Variants in TRMT9B observed in about 807,000 individuals in gnomAD.
The protein encoded by TRMT9B is probable tRNA methyltransferase 9B.
TRMT9B carries 16 observed loss-of-function variants against 11.5 expected under a neutral mutation model. The observed-to-expected ratio is 1.39, with a 90% CI of 0.94 to 2.11. TRMT9B has a LOEUF of 2.11. Among genes scored for constraint, TRMT9B ranks in the 30% most tolerant of loss-of-function variants. The probability of loss-of-function intolerance (pLI) is 0.00; values close to 1 mark genes in which losing one functional copy is unlikely to be tolerated. For missense variants in TRMT9B, 941 were observed against 553.8 expected, an observed-to-expected ratio of 1.70 and a Z score of -7.02; for synonymous variants, 274 against 192.4, an observed-to-expected ratio of 1.42 and a Z score of -3.51.
At chr8:12,955,604 C>G (rs1454657375) in intron 1 of TRMT9B, among the ~76,000 whole-genome samples, 1 of 152,230 alleles carries the variant, frequency 6.6e-6, no homozygotes, top group Non-Finnish European at 1.5e-5. Context: ...CAAATAGGCA[C>G]AACCTTTGCC....
intron 1 of TRMT9B, among the ~76,000 whole-genome samples, chr8:12,968,715 G>C (rs7826116): frequency 5.3e-5 from 8 of 152,078 alleles, no homozygotes; most frequent in African/African-American, 1.9e-4. Context: ...TCCCTGAGTC[G>C]CGAGAGTGCA....
chr8:12,970,513 A>G (rs1803453220), intron 1 of TRMT9B, among the ~76,000 whole-genome samples: 1 of 152,228 alleles, frequency 6.6e-6, no homozygotes, highest in Non-Finnish European at 1.5e-5. Context: ...GTTCAGATCT[A>G]GAGCAGACGC....
At chr8:13,008,911 G>A (rs899498794) in intron 3 of TRMT9B, among the ~76,000 whole-genome samples, 1 of 152,066 alleles carries the variant, frequency 6.6e-6, no homozygotes, top group Non-Finnish European at 1.5e-5. Context: ...TGTATTTTTA[G>A]TAGAGACGGA....
intron 2 of TRMT9B, among the ~76,000 whole-genome samples, chr8:12,991,296 GATTTTTA>G (rs1341236638): frequency 1.3e-5 from 2 of 152,138 alleles, no homozygotes; most frequent in Non-Finnish European, 2.9e-5. Context: ...TTTTAAATGA[GATTTTTA>G]TCACACAAAA....
Position 13,029,738 on chromosome 8 carries a change from A to C in TRMT9B, c.*7694A>C, listed in dbSNP as rs1194987084. The C allele has an allele frequency of 6.5e-6, 1 of 152,752 alleles. No individual in the cohort carries two copies. The highest frequency in any genetic ancestry group is 1.5e-5 in the Non-Finnish European group (1 of 68,038). The allele number at this position is 152,752 out of a possible 1,614,324, so 9.5% of individuals were successfully genotyped here. The stretch of plus-strand genomic sequence containing the variant: ...AAAGAATGTTATTGACCAAAAAGAC[A>C]TATTTTGAGATTAATAAAGATGTAT... On this transcript the variant is annotated 3_prime_UTR_variant, in exon 5 of 5. Transcript: ENST00000524591.
At chr8:12,966,507 GTT>G (rs1802843665) in intron 1 of TRMT9B, among the ~76,000 whole-genome samples, 1 of 152,138 alleles carries the variant, frequency 6.6e-6, no homozygotes, top group Admixed American at 6.5e-5. Context: ...TAAAAAATGT[GTT>G]ACTTATAGAC....
At chr8:12,989,482 C>T (rs1806948202) in intron 1 of TRMT9B, among the ~76,000 whole-genome samples, 1 of 152,058 alleles carries the variant, frequency 6.6e-6, no homozygotes, top group Admixed American at 6.6e-5. Flanking sequence ...AGCCTCCTGC[C>T]CAGGTAGCAC....
rs138316918 is a variant in TRMT9B, at chr8:12,966,592, T to C, written c.-200+20626T>C. On this transcript the variant is annotated intron_variant, in intron 1 of 4. Coordinates refer to ENST00000524591, the MANE Select transcript of TRMT9B (RefSeq NM_020844.3). ...TACAGCTATTTCTATTGTTTAGCCA[T>C]GTGGCACAGCATTTATTTAAATTGG... 4.3e-3 allele frequency among the ~76,000 whole-genome samples: 658 copies of C among 152,366 alleles called. 1 individual carries two copies. The highest frequency in any genetic ancestry group is 0.015 in the African/African-American group (618 of 41,586).
chr8:12,982,794 A>G (rs552957196), intron 1 of TRMT9B, among the ~76,000 whole-genome samples: 1 of 152,326 alleles, frequency 6.6e-6, no homozygotes, highest in African/African-American at 2.4e-5. Flanking sequence ...TGATGCCACA[A>G]GTGGAAGTCA....
At chr8:12,976,476 G>T (rs868018573) in intron 1 of TRMT9B, among the ~76,000 whole-genome samples, 2 of 151,440 alleles carry the variant, frequency 1.3e-5, no homozygotes, top group African/African-American at 4.9e-5. Context: ...GCAGTGGCTC[G>T]TGCCTATAAT....
At chr8:13,017,312 A>G (rs974061440) in intron 4 of TRMT9B, among the ~76,000 whole-genome samples, 1 of 152,230 alleles carries the variant, frequency 6.6e-6, no homozygotes, top group Non-Finnish European at 1.5e-5. Context: ...GATCATGTGT[A>G]ACTTCTCATC....
chr8:12,955,594 C>T (rs755632117), intron 1 of TRMT9B, among the ~76,000 whole-genome samples: 14 of 152,172 alleles, frequency 9.2e-5, no homozygotes, highest in African/African-American at 3.4e-4. Context: ...CTGCGAATGT[C>T]AAATAGGCAC....
chr8:12,996,877 C>T lies in TRMT9B; in HGVS notation c.-2+5846C>T, dbSNP rs112377700. Reference sequence around the variant, plus strand: ...CAGTGCTCCCTGCCAGCTGCTACCCCAGGCAGCCTCTATCCCACTTCTAAT... The same window carrying T: ...CAGTGCTCCCTGCCAGCTGCTACCCTAGGCAGCCTCTATCCCACTTCTAAT... On this transcript the variant is annotated intron_variant, in intron 2 of 4. Coordinates refer to ENST00000524591, the MANE Select transcript of TRMT9B (RefSeq NM_020844.3). 4.1e-3 allele frequency among the ~76,000 whole-genome samples: 617 copies of T among 152,268 alleles called. 6 individuals are homozygous for T. Among genetic ancestry groups the T allele is most frequent in the African/African-American group, 0.014 (590 of 41,542 alleles).
At chr8:13,015,653 C>A (rs142735386) in intron 4 of TRMT9B, among the ~76,000 whole-genome samples, 1 of 152,296 alleles carries the variant, frequency 6.6e-6, no homozygotes, top group Non-Finnish European at 1.5e-5. Context: ...CACGCCCAGG[C>A]TAAATTCCTT....
At chr8:12,995,969 A>C (rs1411166478) in intron 2 of TRMT9B, among the ~76,000 whole-genome samples, 4 of 152,198 alleles carry the variant, frequency 2.6e-5, no homozygotes, top group African/African-American at 9.6e-5. Context: ...ATTTTTCATA[A>C]GGTACTGAAA....
At chr8:12,996,067 G>A (rs2128881935) in intron 2 of TRMT9B, among the ~76,000 whole-genome samples, 1 of 152,264 alleles carries the variant, frequency 6.6e-6, no homozygotes, top group East Asian at 1.9e-4. Context: ...GCAACCACCT[G>A]CTGCTACAAG....
chr8:13,006,265 C>T lies in TRMT9B; in HGVS notation c.63C>T (p.Ala21=). ...TGCACAATGTGTACGAGAGCACAGC[C>T]CCTTACTTCAGCGACCTGCAGAGCA... ...QHVHNVYEST[A]PYFSDLQSKA... Residue 21 remains alanine, a synonymous_variant, in exon 3 of 5, where the codon GCC becomes GCT. Transcript: ENST00000524591. 1.9e-6 allele frequency: 3 copies of T among 1,613,990 alleles called. No individual in the cohort carries two copies. The highest frequency in any genetic ancestry group is 2.5e-6 in the Non-Finnish European group (3 of 1,179,886).
rs1814033163 is a variant in TRMT9B at position 13,021,964 on chromosome 8, T to G, written c.1285T>G (p.Ser429Ala). ...CTGCAGTCTGCTCAAGGAGAATGTG[T>G]CAGAGCTCCGTATCCTGAGTTCTGG... ...ELCSLLKENV[S>A]ELRILSSGND... The change falls in exon 5 of 5, where the codon TCA becomes GCA. Residue 429 changes from serine (S) to alanine (A), a missense_variant. Ser to Ala is a moderately conservative substitution (Grantham distance 99). Transcript: ENST00000524591. 2 of 1,613,550 alleles carry G rather than the reference T, an allele frequency of 1.2e-6. No homozygotes were observed. The highest frequency in any genetic ancestry group is 1.7e-6 in the Non-Finnish European group (2 of 1,179,780).
chr8:12,955,899 G>T (rs1452731494), intron 1 of TRMT9B, among the ~76,000 whole-genome samples: 1 of 152,082 alleles, frequency 6.6e-6, no homozygotes, highest in African/African-American at 2.4e-5. Flanking sequence ...CAGCCTGGGG[G>T]CTGGGAATCA....
Sources: gnomAD v4.1 joint callset for allele counts (sites outside exome capture counted in the v4.1 genomes callset) on GRCh38, gnomAD v4.1.1 for gene constraint, MANE v1.5 for transcripts, NCBI Gene and HGNC (gene_info 2026-07-23, HGNC 2026-07-21) for gene names.